RYR1: variants seen among roughly 807,000 people sequenced by gnomAD.
RYR1 encodes ryanodine receptor 1.
A neutral mutation model predicts 583.5 loss-of-function variants in RYR1; 342 were observed. The ratio of observed to expected loss-of-function variants is 0.59; its 90% CI spans 0.54 to 0.64. RYR1 has a LOEUF of 0.64. RYR1 is among the 30% of genes least tolerant of loss of function. RYR1 has a pLI of 0.00. For missense variants in RYR1, 6,032 were observed against 6,917.2 expected (o/e 0.87, Z 4.54); for synonymous variants, 2,791 against 2,822.5 (o/e 0.99, Z 0.35).
Position 38,512,374 on chromosome 19 carries a change from G to C in RYR1, c.9363G>C (p.Gln3121His). The C allele has an allele frequency of 1.2e-6, 2 of 1,614,090 alleles. No homozygotes were observed. Among genetic ancestry groups the C allele is most frequent in the Non-Finnish European group, 1.7e-6 (2 of 1,180,036 alleles). ...GCAAGGTGTCGCAGGCGCGCACCCAGGTGAAAGGCGTGGGCCAGAACCTCA... is the reference window on the plus strand; with the variant it reads ...GCAAGGTGTCGCAGGCGCGCACCCACGTGAAAGGCGTGGGCCAGAACCTCA... The part of the protein sequence containing the change: ...RLGKVSQART[Q>H]VKGVGQNLTY... The change falls in exon 63 of 106, where the codon CAG becomes CAC. Residue 3121 changes from glutamine to histidine, a missense_variant. Coordinates refer to ENST00000359596, the MANE Select transcript of RYR1 (RefSeq NM_000540.3). This position sits in a 1 kb window ranked among gnomAD's most constrained non-coding sequence, Gnocchi z 5.1.
chr19:38,499,233 C>T lies in RYR1; in HGVS notation c.7017C>T (p.Val2339=). 9 of 1,614,200 alleles carry T rather than the reference C, an allele frequency of 5.6e-6. No individual in the cohort carries two copies. The highest frequency in any genetic ancestry group is 7.6e-6 in the Non-Finnish European group (9 of 1,180,034). ...ERYLDFLRFA[V]FVNGESVEEN... The stretch of plus-strand genomic sequence containing the variant: ...ACCTGGACTTCCTGCGCTTTGCTGT[C>T]TTCGTCAACGGTGAGGAGGGGGTGG... The change falls in exon 43 of 106, where the codon GTC becomes GTT. Residue 2339 remains valine, a synonymous_variant. Coordinates refer to ENST00000359596, the MANE Select transcript of RYR1 (RefSeq NM_000540.3). This position sits in a 1 kb window ranked among gnomAD's most constrained non-coding sequence, Gnocchi z 7.3.
chr19:38,526,850 T>A (rs961531898), intron 71 of RYR1, 143 bp from the exon 72 acceptor site: 6 of 795,714 alleles, frequency 7.5e-6, no homozygotes, highest in Non-Finnish European at 1.3e-5. Context: ...AACCTCTGCA[T>A]CCTTTTGTTT....
intron 19 of RYR1, 122 bp from the exon 20 acceptor site, chr19:38,460,253 G>A (rs1482716902): frequency 1.4e-5 from 12 of 868,808 alleles, no homozygotes; most frequent in South Asian, 6.8e-5. Flanking sequence ...ATGACTGCCC[G>A]GTGACCTTTG....
At chr19:38,465,757 T>C (rs1042073078) in intron 23 of RYR1, among the ~76,000 whole-genome samples, 1 of 151,050 alleles carries the variant, frequency 6.6e-6, no homozygotes, top group African/African-American at 2.4e-5. Flanking sequence ...AGAGTGAAAC[T>C]CCGTATCAAA....
intron 91 of RYR1, 118 bp from the exon 92 acceptor site, chr19:38,566,793 A>C: frequency 6.6e-7 from 1 of 1,517,506 alleles, no homozygotes; most frequent in Non-Finnish European, 8.9e-7. Flanking sequence ...GGTGGAGGGA[A>C]GTGTAAAACT....
At position 38,502,734 on chromosome 19, in the gene RYR1, C is replaced by T. The variant is rs114522234; in HGVS notation, c.7835+7C>T. The T allele has an allele frequency of 2.5e-3, 3,149 of 1,264,686 alleles. 83 individuals are homozygous for T. In the African/African-American group the frequency reaches 0.049, roughly 20 times the overall value. The allele number at this position is 1,264,686 out of a possible 1,614,324, so 78.3% of individuals were successfully genotyped here. ...GCCTCATGTCGCTCTGCAGGTGGAG[C>T]GGGGCAGGCTTCAGGGTGGGGCAGG... On this transcript the variant is annotated splice_region_variant and intron_variant, in intron 48 of 105. Transcript: ENST00000359596.
At chr19:38,559,208 G>A (rs12974674) in intron 89 of RYR1, among the ~76,000 whole-genome samples, 3 of 150,378 alleles carry the variant, frequency 2.0e-5, no homozygotes, top group Non-Finnish European at 2.9e-5. Flanking sequence ...TGTCCCAGGC[G>A]CCTGTGGAGA....
intron 16 of RYR1, 22 bp downstream of exon 16, chr19:38,455,773 T>C: frequency 7.0e-7 from 1 of 1,432,566 alleles, no homozygotes; most frequent in Non-Finnish European, 9.8e-7. Context: ...ACCCCTGACC[T>C]CTCATCCCCT....
intron 70 of RYR1, among the ~76,000 whole-genome samples, chr19:38,524,177 T>G (rs1180645612): frequency 7.1e-6 from 1 of 140,876 alleles, no homozygotes; most frequent in Non-Finnish European, 1.5e-5. Flanking sequence ...TTTTCTGGAC[T>G]TTTGTTCCCA....
chr19:38,468,440 T>C (rs981315464), intron 25 of RYR1, among the ~76,000 whole-genome samples: 3 of 152,326 alleles, frequency 2.0e-5, no homozygotes, highest in Non-Finnish European at 4.4e-5. Flanking sequence ...CTATCTGTCA[T>C]CCATTTATTT....
At chr19:38,547,096 G>A (rs1425183954) in intron 88 of RYR1, among the ~76,000 whole-genome samples, 1 of 150,980 alleles carries the variant, frequency 6.6e-6, no homozygotes, top group Non-Finnish European at 1.5e-5. Context: ...TGGAGGTGCG[G>A]TGGCGCGATC....
intron 89 of RYR1, among the ~76,000 whole-genome samples, chr19:38,550,658 G>T (rs1972626120): frequency 6.6e-6 from 1 of 152,070 alleles, no homozygotes; most frequent in South Asian, 2.1e-4. Context: ...TTACAGGTGT[G>T]AGTCACTGCA....
chr19:38,523,401 C>G, intron 69 of RYR1, 92 bp downstream of exon 69: 1 of 1,461,164 alleles, frequency 6.8e-7, no homozygotes, highest in East Asian at 2.3e-5. Context: ...CCAGCCAGCC[C>G]GTCCTGGGCG....
chr19:38,485,860 G>T lies in RYR1; in HGVS notation c.5205G>T (p.Val1735=). The T allele has an allele frequency of 6.2e-7, 1 of 1,613,690 alleles. No individual in the cohort carries two copies. The highest frequency in any genetic ancestry group is 1.7e-4 in the Middle Eastern group (1 of 6,060). Residue 1735 remains valine, a synonymous_variant, in exon 34 of 106, where the codon GTG becomes GTT. Coordinates refer to ENST00000359596, the MANE Select transcript of RYR1 (RefSeq NM_000540.3). Reference sequence around the variant, plus strand: ...GCTCCATGCTCTCTGAATACATCGTGCCCCTCACGCCTGAGACCCGCGCCA... The same window carrying T: ...GCTCCATGCTCTCTGAATACATCGTTCCCCTCACGCCTGAGACCCGCGCCA... The part of the protein sequence containing the change: ...SRRSMLSEYI[V]PLTPETRAIT...
intron 11 of RYR1, among the ~76,000 whole-genome samples, chr19:38,449,850 C>T (rs1348745842): frequency 6.6e-6 from 1 of 152,140 alleles, no homozygotes; most frequent in African/African-American, 2.4e-5. Context: ...GGGAACAGCT[C>T]GTGTGAGGCC....
At chr19:38,468,890 C>T in intron 25 of RYR1, 76 bp from the exon 26 acceptor site, 1 of 1,488,018 alleles carries the variant, frequency 6.7e-7, no homozygotes, top group Non-Finnish European at 9.3e-7. Flanking sequence ...TCATATATCT[C>T]TCCCTCCCTG....
Position 38,578,703 on chromosome 19 carries a change from A to G in RYR1, c.14364+499A>G, listed in dbSNP as rs373531277. 7.8e-4 allele frequency among the ~76,000 whole-genome samples: 119 copies of G among 152,250 alleles called. 1 individual carries two copies. The highest frequency in any genetic ancestry group is 2.8e-3 in the African/African-American group (115 of 41,546). ...CTACTCAGGAGGCTGAGGCAGGAGA[A>G]TGGCTTGAATCCAGGAGGTGGAGGC... On this transcript the variant is annotated intron_variant, in intron 99 of 105. Coordinates refer to ENST00000359596, the MANE Select transcript of RYR1 (RefSeq NM_000540.3).
At chr19:38,535,960 C>T (rs1971944544) in intron 81 of RYR1, 37 bp from the exon 82 acceptor site, 7 of 1,596,742 alleles carry the variant, frequency 4.4e-6, no homozygotes, top group Non-Finnish European at 5.1e-6. Context: ...GCAGAGGCTT[C>T]ATCACATACC....
chr19:38,525,388 T>C lies in RYR1; in HGVS notation c.10512T>C (p.Ser3504=), dbSNP rs1247966406. Residue 3504 remains serine, a synonymous_variant, in exon 71 of 106, where the codon TCT becomes TCC. Coordinates refer to ENST00000359596, the MANE Select transcript of RYR1 (RefSeq NM_000540.3). ...TKKKRRGDRY[S]VQTSLIVATL... ...AGAAGCGCCGGGGGGACCGGTACTC[T>C]GTGCAGACGTCACTGATCGTGGCCA... The C allele has an allele frequency of 1.2e-6, 2 of 1,613,850 alleles. No homozygotes were observed. The highest frequency in any genetic ancestry group is 1.7e-6 in the Non-Finnish European group (2 of 1,179,972).
Sources: gnomAD v4.1 joint callset for allele counts (sites outside exome capture counted in the v4.1 genomes callset) on GRCh38, gnomAD v4.1.1 for gene constraint, Gnocchi (gnomAD v3.1) non-coding constraint, MANE v1.5 for transcripts, NCBI Gene and HGNC (gene_info 2026-07-23, HGNC 2026-07-21) for gene names.